Variants in PPARG observed in about 807,000 individuals in gnomAD.
PPARG encodes the protein peroxisome proliferator activated receptor gamma, also known as peroxisome proliferator-activated receptor gamma.
PPARG carries 17 observed loss-of-function variants against 39.2 expected under a neutral mutation model. That is an observed-to-expected ratio of 0.43 (90% CI 0.30 to 0.65). PPARG has a LOEUF of 0.65. Among genes scored for constraint, PPARG ranks in the 30% least tolerant of loss-of-function variants. The pLI is 0.13. For missense variants in PPARG, 406 were observed against 585.9 expected, an observed-to-expected ratio of 0.69 and a Z score of 3.17; for synonymous variants, 223 against 215.7, an observed-to-expected ratio of 1.03 and a Z score of -0.30.
At chr3:12,405,441 CTT>C (rs1477565741) in intron 5 of PPARG, among the ~76,000 whole-genome samples, 3 of 152,192 alleles carry the variant, frequency 2.0e-5, no homozygotes, top group Non-Finnish European at 4.4e-5. Context: ...GTCTGTACAA[CTT>C]TGAATTCTGC....
In PPARG at chr3:12,370,757, A is replaced by AT. The variant is rs1256629220; in HGVS notation, c.-8-8939dup. Among the ~76,000 whole-genome samples the AT allele has an allele frequency of 5.9e-5, 9 of 152,108 alleles. No individual in the cohort carries two copies. In the South Asian group the frequency reaches 1.5e-3, roughly 25 times the overall value. ...TTGCCTAAATTTACTTGATCACCAG[A>AT]TTTTTTTTGTTTTGTTTTTAATTAT... On this transcript the variant is annotated intron_variant, in intron 2 of 7. Coordinates refer to ENST00000651735, the MANE Select transcript of PPARG (RefSeq NM_138711.6).
intron 2 of PPARG, among the ~76,000 whole-genome samples, chr3:12,313,117 T>C (rs573824771): frequency 2.0e-5 from 3 of 152,170 alleles, no homozygotes; most frequent in Non-Finnish European, 4.4e-5. Context: ...CACTTTAAGG[T>C]TTTATGTAGT....
At chr3:12,332,007 A>G (rs2047875408) in intron 2 of PPARG, among the ~76,000 whole-genome samples, 1 of 152,224 alleles carries the variant, frequency 6.6e-6, no homozygotes, top group Non-Finnish European at 1.5e-5. Flanking sequence ...TGGTCTTAAT[A>G]TATCCATAGT....
intron 4 of PPARG, among the ~76,000 whole-genome samples, chr3:12,384,872 T>C (rs1274400376): frequency 6.6e-6 from 1 of 152,166 alleles, no homozygotes; most frequent in East Asian, 1.9e-4. Flanking sequence ...TCTAGTGTGA[T>C]AAATGTCAGT....
chr3:12,375,188 A>T (rs2049363704), intron 2 of PPARG, among the ~76,000 whole-genome samples: 1 of 152,000 alleles, frequency 6.6e-6, no homozygotes, highest in African/African-American at 2.4e-5. Context: ...GGAGTTTGAG[A>T]CCAGCCTGGG....
rs1215582219 is a variant in PPARG at position 12,379,718 on chromosome 3, G to A, written c.7G>A (p.Asp3Asn). Residue 3 changes from aspartate (D) to asparagine (N), a missense_variant, in exon 3 of 8, where the codon GAC (aspartate) becomes AAC (asparagine). Physicochemically the swap from Asp to Asn is conservative, Grantham distance 23. Transcript: ENST00000651735. MV[D>N]TEMPFWPTNF... ...TTTCCTTTCAGAAATGACCATGGTT[G>A]ACACAGAGATGCCATTCTGGCCCAC... 4 of 1,613,798 alleles carry A rather than the reference G, an allele frequency of 2.5e-6. No individual in the cohort carries two copies. Among genetic ancestry groups the A allele is most frequent in the Middle Eastern group, 1.6e-4 (1 of 6,082 alleles).
intron 2 of PPARG, among the ~76,000 whole-genome samples, chr3:12,370,186 T>A (rs1035781071): frequency 6.6e-6 from 1 of 152,134 alleles, no homozygotes; most frequent in Admixed American, 6.5e-5. Flanking sequence ...GGTTGGAAAT[T>A]TTTTTTTCTC....
chr3:12,347,395 A>G (rs1255940344), intron 2 of PPARG, among the ~76,000 whole-genome samples: 2 of 151,034 alleles, frequency 1.3e-5, no homozygotes, highest in Non-Finnish European at 3.0e-5. Context: ...GTCTGCTTTT[A>G]TGGGACTATC....
At chr3:12,407,115 A>T (rs2050699075) in intron 6 of PPARG, among the ~76,000 whole-genome samples, 1 of 152,166 alleles carries the variant, frequency 6.6e-6, no homozygotes, top group Non-Finnish European at 1.5e-5. Context: ...TTCTGCCATC[A>T]GCTTGGATGA....
intron 2 of PPARG, among the ~76,000 whole-genome samples, chr3:12,359,863 G>A (rs541647219): frequency 2.6e-5 from 4 of 151,816 alleles, no homozygotes; most frequent in East Asian, 3.9e-4. Flanking sequence ...TAGTAGAGAC[G>A]GGGTTTCACC....
At chr3:12,300,099 A>G (rs1220015077) in intron 1 of PPARG, among the ~76,000 whole-genome samples, 2 of 152,236 alleles carry the variant, frequency 1.3e-5, no homozygotes, top group Non-Finnish European at 2.9e-5. Flanking sequence ...GACTTTATAT[A>G]AAGTTAAATA....
intron 2 of PPARG, among the ~76,000 whole-genome samples, chr3:12,349,359 C>T (rs891551552): frequency 4.6e-5 from 7 of 152,138 alleles, no homozygotes; most frequent in African/African-American, 1.7e-4. Context: ...TCCATGTAAG[C>T]AAGTTATTTC....
intron 2 of PPARG, among the ~76,000 whole-genome samples, chr3:12,358,913 C>T (rs1047872551): frequency 6.6e-6 from 1 of 152,076 alleles, no homozygotes; most frequent in African/African-American, 2.4e-5. Flanking sequence ...ATAAGGGGCA[C>T]GTTGATGACA....
chr3:12,396,428 C>G (rs986827760), intron 5 of PPARG, among the ~76,000 whole-genome samples: 1 of 152,076 alleles, frequency 6.6e-6, no homozygotes, highest in Non-Finnish European at 1.5e-5. Flanking sequence ...GCCTTGTCCT[C>G]TTTATTTTTA....
intron 7 of PPARG, among the ~76,000 whole-genome samples, chr3:12,432,293 A>C (rs1013042583): frequency 2.0e-5 from 3 of 152,158 alleles, no homozygotes; most frequent in African/African-American, 7.2e-5. Flanking sequence ...AAATACAAAA[A>C]CTCTATATAA....
At chr3:12,423,829 G>A (rs1158908580) in intron 7 of PPARG, among the ~76,000 whole-genome samples, 1 of 152,156 alleles carries the variant, frequency 6.6e-6, no homozygotes, top group African/African-American at 2.4e-5. Context: ...TTGTAATATT[G>A]CAAATAAACA....
chr3:12,298,165 G>C (rs2046836698), intron 1 of PPARG, among the ~76,000 whole-genome samples: 1 of 148,828 alleles, frequency 6.7e-6, no homozygotes, highest in African/African-American at 2.5e-5. Context: ...CGGGCGTAGT[G>C]GCGGGCGCCT....
chr3:12,355,317 A>G (rs2048627288), intron 2 of PPARG, among the ~76,000 whole-genome samples: 1 of 152,054 alleles, frequency 6.6e-6, no homozygotes, highest in Non-Finnish European at 1.5e-5. Flanking sequence ...TGTAATTTTT[A>G]TAGAGACAGG....
rs145663359 is a variant in PPARG, at chr3:12,334,974, C to T, written c.-9+22521C>T. ...TAGCATGAACTGTCTTCAGACTGGC[C>T]TCCTGTGATGAGTCACAAGGCCCAT... On this transcript the variant is annotated intron_variant, in intron 2 of 7. Coordinates refer to ENST00000651735, the MANE Select transcript of PPARG (RefSeq NM_138711.6). 1.2e-3 allele frequency among the ~76,000 whole-genome samples: 186 copies of T among 152,298 alleles called. 1 individual carries two copies. In the East Asian group the frequency reaches 0.033, roughly 27 times the overall value.
Sources: gnomAD v4.1 joint callset for allele counts (sites outside exome capture counted in the v4.1 genomes callset) on GRCh38, gnomAD v4.1.1 for gene constraint, MANE v1.5 for transcripts, NCBI Gene and HGNC (gene_info 2026-07-23, HGNC 2026-07-21) for gene names.